NTNG2: variants seen among roughly 807,000 people sequenced by gnomAD.
NTNG2 encodes the protein netrin-G2.
In NTNG2, 15 loss-of-function variants were observed where a neutral mutation model predicts 47.6. The ratio of observed to expected loss-of-function variants is 0.32; its 90% confidence interval spans 0.21 to 0.49. The LOEUF is 0.49. NTNG2 is among the 20% of genes least tolerant of loss of function. The pLI is 0.99. For synonymous variants in NTNG2, 307 were observed against 324.6 expected (o/e 0.95, Z 0.58); for missense variants, 578 against 764.6 (o/e 0.76, Z 2.88).
intron 4 of NTNG2, among the ~76,000 whole-genome samples, chr9:132,229,350 C>T (rs1228328337): frequency 4.6e-5 from 7 of 152,104 alleles, no homozygotes. Context: ...TGGGGGTCAC[C>T]TTGACTGGAG....
At chr9:132,214,898 G>A (rs971331209) in intron 3 of NTNG2, among the ~76,000 whole-genome samples, 3 of 150,854 alleles carry the variant, frequency 2.0e-5, no homozygotes, top group South Asian at 2.1e-4. Flanking sequence ...TAGAGACAGG[G>A]TCTTGCTCTG....
chr9:132,214,034 G>A (rs925970553), intron 3 of NTNG2, among the ~76,000 whole-genome samples: 19 of 152,284 alleles, frequency 1.2e-4, no homozygotes, highest in Middle Eastern at 3.4e-3. Flanking sequence ...TGAAATCCCC[G>A]TGGGGCTTTG....
rs188874648 is a variant in NTNG2 at position 132,221,683 on chromosome 9, G to A, written c.858-5166G>A. On this transcript the variant is annotated intron_variant, in intron 3 of 7. Coordinates refer to ENST00000393229, the MANE Select transcript of NTNG2 (RefSeq NM_032536.4). The surrounding 1 kb of genome is among the most constrained non-coding windows in gnomAD (Gnocchi z 4.2). ...GAAGACAGGACTGATAGGAGGGGCT[G>A]GCCAGGATGGAGCCTGGGCAGAGCC... 3.8e-4 allele frequency among the ~76,000 whole-genome samples: 58 copies of A among 152,264 alleles called. No homozygotes were observed. The East Asian group carries it at 0.011, about 29-fold the overall frequency.
intron 3 of NTNG2, among the ~76,000 whole-genome samples, chr9:132,202,481 C>T (rs1431781083): frequency 6.6e-6 from 1 of 152,194 alleles, no homozygotes; most frequent in African/African-American, 2.4e-5. Flanking sequence ...CCCTGCCTCC[C>T]GCGGAGCCTG....
Position 132,243,635 on chromosome 9 carries a change from G to C in NTNG2, c.*1524G>C, listed in dbSNP as rs1393894050. The C allele has an allele frequency of 1.3e-5, 2 of 152,486 alleles. No homozygotes were observed. The highest frequency in any genetic ancestry group is 2.4e-5 in the African/African-American group (1 of 41,480). 9.4% of individuals were successfully genotyped at this position (152,486 alleles called of 1,614,324 possible). Reference sequence around the variant, plus strand: ...TGCTGCCACTGCTCCACCTGCAGGTGCTCCCAGCACTGGCTTCTGCCACCA... The same window carrying C: ...TGCTGCCACTGCTCCACCTGCAGGTCCTCCCAGCACTGGCTTCTGCCACCA... On this transcript the variant is annotated 3_prime_UTR_variant, in exon 8 of 8. Coordinates refer to ENST00000393229, the MANE Select transcript of NTNG2 (RefSeq NM_032536.4).
rs1477405816 is a variant in NTNG2 at position 132,213,611 on chromosome 9, C to T, written c.858-13238C>T. Among the ~76,000 whole-genome samples the T allele has an allele frequency of 3.3e-5, 5 of 152,192 alleles. No homozygotes were observed. In the South Asian group the frequency reaches 8.3e-4, roughly 25 times the overall value. On this transcript the variant is annotated intron_variant, in intron 3 of 7. Transcript: ENST00000393229. Reference sequence around the variant, plus strand: ...TCATCCTGCAGAACACGCCAGCCTCCCTTGTGAGCATCTCCAAGCCACCGT... The same window carrying T: ...TCATCCTGCAGAACACGCCAGCCTCTCTTGTGAGCATCTCCAAGCCACCGT...
At chr9:132,239,848 C>G (rs942974335) in intron 6 of NTNG2, among the ~76,000 whole-genome samples, 4 of 152,250 alleles carry the variant, frequency 2.6e-5, no homozygotes, top group South Asian at 2.1e-4. Flanking sequence ...GTGGCTGAAG[C>G]TTTTCTTCAA....
In NTNG2 at chr9:132,231,513, G is replaced by A. The variant is rs1272026531; in HGVS notation, c.1054+918G>A. 7 of 355,906 alleles carry A rather than the reference G, an allele frequency of 2.0e-5. No homozygotes were observed. The highest frequency in any genetic ancestry group is 6.5e-5 in the African/African-American group (3 of 46,268). The allele number at this position is 355,906 out of a possible 1,614,324, so 22.0% of individuals were successfully genotyped here. On this transcript the variant is annotated intron_variant, in intron 5 of 7. Transcript: ENST00000393229. This position sits in a 1 kb window ranked among gnomAD's most constrained non-coding sequence, Gnocchi z 4.1. ...CCCCTGGCTGGGAAGCCAGTGAGCC[G>A]AGAGGGCGCCAGAAAGAAGCTGGAC...
rs1169448209 is a variant in NTNG2, at chr9:132,182,734, T to TGG, written c.214-15229_214-15228dup. ...TGGCTCTTTTCCATCTCCCAACACTTGGGGCAGTCTTCTCGAAGGCCTCAA... is the reference window on the plus strand; with the variant it reads ...TGGCTCTTTTCCATCTCCCAACACTTGGGGGGCAGTCTTCTCGAAGGCCTCAA... On this transcript the variant is annotated intron_variant, in intron 2 of 7. Coordinates refer to ENST00000393229, the MANE Select transcript of NTNG2 (RefSeq NM_032536.4). The surrounding 1 kb of genome is among the most constrained non-coding windows in gnomAD (Gnocchi z 4.2). Among the ~76,000 whole-genome samples the TGG allele has an allele frequency of 1.3e-5, 2 of 152,092 alleles. No individual in the cohort carries two copies. Among genetic ancestry groups the TGG allele is most frequent in the African/African-American group, 4.8e-5 (2 of 41,418 alleles).
intron 3 of NTNG2, among the ~76,000 whole-genome samples, chr9:132,216,414 C>CTCTCTGTGTGTG (rs1554790515): frequency 5.4e-5 from 6 of 110,330 alleles, no homozygotes; most frequent in East Asian, 2.6e-4. Context: ...CTCTCTCTCT[C>CTCTCTGTGTGTG]TGTGTGTGTG....
Position 132,241,863 on chromosome 9 carries a change from C to A in NTNG2, c.1358-13C>A. 2 of 1,549,956 alleles carry A rather than the reference C, an allele frequency of 1.3e-6. No homozygotes were observed. Among genetic ancestry groups the A allele is most frequent in the Non-Finnish European group, 1.7e-6 (2 of 1,153,972 alleles). On this transcript the variant is annotated splice_polypyrimidine_tract_variant and intron_variant, in intron 7 of 7. Coordinates refer to ENST00000393229, the MANE Select transcript of NTNG2 (RefSeq NM_032536.4). ...GGGCCACCCCCCGTGCTGACCGCCC[C>A]CTCCGCCTGCAGCCAACGTGTGCGA...
chr9:132,209,553 C>T (rs1188079560), intron 3 of NTNG2, among the ~76,000 whole-genome samples: 1 of 152,138 alleles, frequency 6.6e-6, no homozygotes, highest in Non-Finnish European at 1.5e-5. Flanking sequence ...TGCAGGGCAG[C>T]GGCCACCTGT....
chr9:132,163,342 C>A lies in NTNG2; in HGVS notation c.-484+1103C>A, dbSNP rs1835229048. 6.6e-6 allele frequency among the ~76,000 whole-genome samples: 1 copy of A among 151,530 alleles called. No homozygotes were observed. Among genetic ancestry groups the A allele is most frequent in the African/African-American group, 2.4e-5 (1 of 41,304 alleles). ...GAGCTGCTGCTCGCGCCCCGCCTCC[C>A]GCGCCCAACTTTCCAGGGCTCCCGC... On this transcript the variant is annotated intron_variant, in intron 1 of 7. Coordinates refer to ENST00000393229, the MANE Select transcript of NTNG2 (RefSeq NM_032536.4). The surrounding 1 kb of genome is among the most constrained non-coding windows in gnomAD (Gnocchi z 7.2).
chr9:132,168,524 T>C (rs1298999499), intron 2 of NTNG2, among the ~76,000 whole-genome samples: 5 of 151,856 alleles, frequency 3.3e-5, no homozygotes, highest in Admixed American at 1.3e-4. Flanking sequence ...CTGTGGGTGG[T>C]GGCTGGGCCA....
rs530497389 is a variant in NTNG2 at position 132,171,556 on chromosome 9, G to A, written c.213+4512G>A. On this transcript the variant is annotated intron_variant, in intron 2 of 7. Transcript: ENST00000393229. Reference sequence around the variant, plus strand: ...GGAAAGCCAAGGGCAGGCTGTGAACGTGCATCTTTGAACACACATCTTACT... The same window carrying A: ...GGAAAGCCAAGGGCAGGCTGTGAACATGCATCTTTGAACACACATCTTACT... Among the ~76,000 whole-genome samples, 5 of 152,318 alleles carry A rather than the reference G, an allele frequency of 3.3e-5. No homozygotes were observed. The South Asian group carries it at 6.2e-4, about 19-fold the overall frequency.
chr9:132,209,576 G>T (rs2130815840), intron 3 of NTNG2, among the ~76,000 whole-genome samples: 1 of 152,298 alleles, frequency 6.6e-6, no homozygotes, highest in African/African-American at 2.4e-5. Context: ...CCATGCTGCG[G>T]CGGGTCCAAG....
chr9:132,198,484 G>C lies in NTNG2; in HGVS notation c.732G>C (p.Lys244Asn). The change falls in exon 3 of 8, where the codon AAG becomes AAC. Residue 244 changes from lysine to asparagine, a missense_variant. Lys to Asn is a moderately conservative substitution (Grantham distance 94). Coordinates refer to ENST00000393229, the MANE Select transcript of NTNG2 (RefSeq NM_032536.4). ...GGCTGGAGAGCGCCAAGGGCCTCAA[G>C]GAGTTCTTCACCCTCACCGACCTGC... ...YTRLESAKGL[K>N]EFFTLTDLRM... 1 of 1,610,420 alleles carries C rather than the reference G, an allele frequency of 6.2e-7. No individual in the cohort carries two copies. Among genetic ancestry groups the C allele is most frequent in the Non-Finnish European group, 8.5e-7 (1 of 1,177,942 alleles).
At chr9:132,239,006 G>T (rs1111393) in intron 5 of NTNG2, 98 bp from the exon 6 acceptor site, 2 of 1,260,682 alleles carry the variant, frequency 1.6e-6, no homozygotes, top group African/African-American at 1.5e-5. Context: ...GCCTTCCTCC[G>T]TCCCTGCATG....
rs1247026951 is a variant in NTNG2 at position 132,162,569 on chromosome 9, A to AGAGT, written c.-484+331_-484+332insAGTG. Among the ~76,000 whole-genome samples the AGAGT allele has an allele frequency of 3.0e-4, 34 of 112,470 alleles. 1 individual carries two copies. In the East Asian group the frequency reaches 6.2e-3, roughly 20 times the overall value. 73.8% of individuals were successfully genotyped at this position (112,470 alleles called of 152,430 possible). On this transcript the variant is annotated intron_variant, in intron 1 of 7. Coordinates refer to ENST00000393229, the MANE Select transcript of NTNG2 (RefSeq NM_032536.4). This position sits in a 1 kb window ranked among gnomAD's most constrained non-coding sequence, Gnocchi z 4.6. ...GTGTGTGTGTGTGAGAGAGAGACAGAGTGTGTGTGTGTGTGTGTGTGTGTG... is the reference window on the plus strand; with the variant it reads ...GTGTGTGTGTGTGAGAGAGAGACAGAGAGTGTGTGTGTGTGTGTGTGTGTGTGTG...
Sources: gnomAD v4.1 joint callset for allele counts (sites outside exome capture counted in the v4.1 genomes callset) on GRCh38, gnomAD v4.1.1 for gene constraint, Gnocchi (gnomAD v3.1) non-coding constraint, MANE v1.5 for transcripts, NCBI Gene and HGNC (gene_info 2026-07-23, HGNC 2026-07-21) for gene names.